The following SLC1A2 variants were observed in gnomAD, a reference collection of about 807,000 sequenced individuals.
SLC1A2 encodes solute carrier family 1 member 2, also known as excitatory amino acid transporter 2.
Under a neutral mutation model 48.8 loss-of-function variants are expected in SLC1A2, and 15 were observed. That is an observed-to-expected ratio of 0.31 (90% CI 0.21 to 0.47). The LOEUF is 0.47. SLC1A2 is among the 20% of genes least tolerant of loss of function. The probability of loss-of-function intolerance (pLI) is 0.99; values close to 1 mark genes in which losing one functional copy is unlikely to be tolerated. For missense variants in SLC1A2, 502 were observed against 730.5 expected, an observed-to-expected ratio of 0.69 and a Z score of 3.61; for synonymous variants, 279 against 272.6, an observed-to-expected ratio of 1.02 and a Z score of -0.23.
At chr11:35,332,777 C>T (rs1400572854) in intron 1 of SLC1A2, among the ~76,000 whole-genome samples, 2 of 152,200 alleles carry the variant, frequency 1.3e-5, no homozygotes, top group African/African-American at 4.8e-5. Flanking sequence ...TTCGACTCCA[C>T]AGTTCCTTAG....
chr11:35,362,703 T>C (rs184755390), intron 1 of SLC1A2, among the ~76,000 whole-genome samples: 42 of 152,342 alleles, frequency 2.8e-4, no homozygotes, highest in African/African-American at 8.4e-4. Context: ...AAAACAACCA[T>C]TGACTTTATG....
intron 7 of SLC1A2, among the ~76,000 whole-genome samples, chr11:35,289,261 A>T (rs112097587): frequency 0.025 from 3,848 of 151,968 alleles, 162 homozygotes; most frequent in African/African-American, 0.087. Context: ...AGGGCCGAGG[A>T]GGCAGGAAGG....
intron 6 of SLC1A2, among the ~76,000 whole-genome samples, chr11:35,295,946 G>A (rs1851158808): frequency 6.6e-6 from 1 of 152,150 alleles, no homozygotes; most frequent in Non-Finnish European, 1.5e-5. Flanking sequence ...TGGATTCCCT[G>A]GGCTTACCAC....
At chr11:35,305,977 C>A in intron 5 of SLC1A2, 97 bp downstream of exon 5, 1 of 1,132,368 alleles carries the variant, frequency 8.8e-7, no homozygotes. Context: ...CCTGCTCCAC[C>A]TAGAGGACAG....
intron 1 of SLC1A2, chr11:35,322,700 A>G (rs1487970667): frequency 3.0e-6 from 4 of 1,336,654 alleles, no homozygotes; most frequent in Non-Finnish European, 4.1e-6. Flanking sequence ...GAACAAAAAC[A>G]GTGCTCACTG....
chr11:35,348,117 G>C (rs139739364), intron 1 of SLC1A2, among the ~76,000 whole-genome samples: 1 of 152,164 alleles, frequency 6.6e-6, no homozygotes, highest in African/African-American at 2.4e-5. Flanking sequence ...TCATTGCTCT[G>C]CAGGAGGAAT....
chr11:35,272,458 A>C (rs1255294358), intron 9 of SLC1A2, among the ~76,000 whole-genome samples: 1 of 152,218 alleles, frequency 6.6e-6, no homozygotes, highest in Non-Finnish European at 1.5e-5. Flanking sequence ...GAGGTAGGTC[A>C]TGGCTGCTCT....
Position 35,312,343 on chromosome 11 carries a change from A to T in SLC1A2, c.416T>A (p.Val139Asp). The change falls in exon 4 of 11, where the codon GTC (valine) becomes GAC (aspartate). Residue 139 changes from valine (V) to aspartate (D), a missense_variant. Coordinates refer to ENST00000278379, the MANE Select transcript of SLC1A2 (RefSeq NM_004171.4). The stretch of plus-strand genomic sequence containing the variant: ...GGGATTGCCTGGATGGATAGCCAAG[A>T]CCAGAATGACCCCCAGTACTGCAGC... ...IIAAVLGVILVLAIHPGNPKL... is the reference protein window; with the variant it reads ...IIAAVLGVILDLAIHPGNPKL... The T allele has an allele frequency of 6.2e-7, 1 of 1,614,136 alleles. No homozygotes were observed. The highest frequency in any genetic ancestry group is 1.3e-5 in the African/African-American group (1 of 75,026).
At chr11:35,350,463 G>A (rs1282327018) in intron 1 of SLC1A2, among the ~76,000 whole-genome samples, 2 of 152,182 alleles carry the variant, frequency 1.3e-5, no homozygotes, top group Non-Finnish European at 2.9e-5. Flanking sequence ...CCAGATTAGG[G>A]TGAGAAGGTA....
chr11:35,417,834 G>A (rs1240534514), intron 1 of SLC1A2, among the ~76,000 whole-genome samples: 2 of 152,160 alleles, frequency 1.3e-5, no homozygotes, highest in African/African-American at 4.8e-5. Flanking sequence ...TCTGGCTTTG[G>A]ATACCAGCTC....
At chr11:35,393,769 C>G (rs949311405) in intron 1 of SLC1A2, among the ~76,000 whole-genome samples, 1 of 152,072 alleles carries the variant, frequency 6.6e-6, no homozygotes, top group Non-Finnish European at 1.5e-5. Context: ...CCCAAAATAG[C>G]CAAATAAAAA....
At chr11:35,337,849 G>C (rs907096305) in intron 1 of SLC1A2, among the ~76,000 whole-genome samples, 3 of 152,098 alleles carry the variant, frequency 2.0e-5, no homozygotes, top group Non-Finnish European at 4.4e-5. Context: ...CAACAGTTTA[G>C]AAACAGTCCT....
At chr11:35,287,075 A>G (rs908019421) in intron 7 of SLC1A2, 124 bp from the exon 8 acceptor site, 6 of 762,164 alleles carry the variant, frequency 7.9e-6, no homozygotes, top group Non-Finnish European at 1.1e-5. Flanking sequence ...GCAATGTGAC[A>G]TGCAAAAAAG....
intron 1 of SLC1A2, among the ~76,000 whole-genome samples, chr11:35,409,098 C>T (rs201329861): frequency 9.2e-5 from 14 of 152,164 alleles, no homozygotes; most frequent in Admixed American, 2.0e-4. Context: ...AAAACACTCA[C>T]GAAGATATAA....
At position 35,371,408 on chromosome 11, in the gene SLC1A2, A is replaced by G. The variant is rs528489684; in HGVS notation, c.17+47542T>C. On this transcript the variant is annotated intron_variant, in intron 1 of 10. Coordinates refer to ENST00000278379, the MANE Select transcript of SLC1A2 (RefSeq NM_004171.4). ...TTCATCTCCCTGCCACCATCTGTCA[A>G]CTACAATGACTTTGGTGACCAATGG... 2.0e-5 allele frequency among the ~76,000 whole-genome samples: 3 copies of G among 152,272 alleles called. No individual in the cohort carries two copies. The South Asian group carries it at 6.2e-4, about 32-fold the overall frequency.
intron 1 of SLC1A2, among the ~76,000 whole-genome samples, chr11:35,366,041 T>G (rs1287476778): frequency 6.6e-6 from 1 of 152,198 alleles, no homozygotes; most frequent in Non-Finnish European, 1.5e-5. Context: ...ATGTCAATAG[T>G]GCTGAGGTCA....
At chr11:35,326,970 G>A (rs536363887) in intron 1 of SLC1A2, among the ~76,000 whole-genome samples, 4 of 152,262 alleles carry the variant, frequency 2.6e-5, no homozygotes, top group East Asian at 3.9e-4. Flanking sequence ...CTTAATATAG[G>A]TCCTGGACAG....
At chr11:35,276,011 C>T (rs867044600) in intron 9 of SLC1A2, among the ~76,000 whole-genome samples, 16 of 152,222 alleles carry the variant, frequency 1.1e-4, no homozygotes, top group Admixed American at 5.2e-4. Flanking sequence ...CAAACAGCTA[C>T]ACACATTTTC....
intron 4 of SLC1A2, among the ~76,000 whole-genome samples, chr11:35,307,865 C>G (rs541537050): frequency 6.6e-6 from 1 of 152,324 alleles, no homozygotes; most frequent in Non-Finnish European, 1.5e-5. Flanking sequence ...CTGTTCTAGC[C>G]TGGCCACATG....
Sources: gnomAD v4.1 joint callset for allele counts (sites outside exome capture counted in the v4.1 genomes callset) on GRCh38, gnomAD v4.1.1 for gene constraint, MANE v1.5 for transcripts, NCBI Gene and HGNC (gene_info 2026-07-23, HGNC 2026-07-21) for gene names.